The following TMOD3 variants were observed in gnomAD, a reference collection of about 807,000 sequenced individuals.
TMOD3 encodes the protein tropomodulin-3.
TMOD3 carries 20 observed loss-of-function variants against 39.2 expected under a neutral mutation model. The observed-to-expected ratio is 0.51, with a 90% CI of 0.36 to 0.74. The LOEUF (loss-of-function observed/expected upper bound fraction) is 0.74. Among genes scored for constraint, TMOD3 ranks in the 30% least tolerant of loss-of-function variants. The probability of loss-of-function intolerance (pLI) is 0.00; values close to 1 mark genes in which losing one functional copy is unlikely to be tolerated. For missense variants in TMOD3, 381 were observed against 412.8 expected, an observed-to-expected ratio of 0.92 and a Z score of 0.67; for synonymous variants, 143 against 145.8, an observed-to-expected ratio of 0.98 and a Z score of 0.14.
At chr15:51,876,295 A>G (rs1269671166) in intron 3 of TMOD3, among the ~76,000 whole-genome samples, 2 of 152,154 alleles carry the variant, frequency 1.3e-5, no homozygotes, top group East Asian at 3.9e-4. Flanking sequence ...CACCCTCCTA[A>G]GTAGTTGAGA....
intron 1 of TMOD3, among the ~76,000 whole-genome samples, chr15:51,846,294 A>G (rs2056335612): frequency 6.6e-6 from 1 of 152,170 alleles, no homozygotes; most frequent in South Asian, 2.1e-4. Context: ...TCATGCCACT[A>G]CACTTTAGCC....
At chr15:51,861,379 G>T (rs1048666662) in intron 1 of TMOD3, 2 of 175,548 alleles carry the variant, frequency 1.1e-5, no homozygotes, top group South Asian at 1.4e-4. Context: ...TTGGACCCAA[G>T]GTGGTTGCTA....
chr15:51,839,924 C>G (rs1456507366), intron 1 of TMOD3, among the ~76,000 whole-genome samples: 1 of 152,022 alleles, frequency 6.6e-6, no homozygotes, highest in Admixed American at 6.6e-5. Context: ...CGCTCCCAGC[C>G]CCATTAGGAT....
chr15:51,851,081 ACAGT>A (rs1440482138), intron 1 of TMOD3, among the ~76,000 whole-genome samples: 1 of 152,164 alleles, frequency 6.6e-6, no homozygotes, highest in African/African-American at 2.4e-5. Context: ...CCAGAGAGAC[ACAGT>A]CAAAGATGTT....
chr15:51,832,434 G>A (rs1433623418), intron 1 of TMOD3, among the ~76,000 whole-genome samples: 1 of 151,672 alleles, frequency 6.6e-6, no homozygotes, highest in African/African-American at 2.4e-5. Flanking sequence ...CTTTCCCCAG[G>A]CTATACTGTC....
At chr15:51,878,398 G>GTGTGTGTGTGTGTC (rs2056516342) in intron 3 of TMOD3, among the ~76,000 whole-genome samples, 1 of 151,996 alleles carries the variant, frequency 6.6e-6, no homozygotes, top group Admixed American at 6.6e-5. Context: ...GTGTGTGTGT[G>GTGTGTGTGTGTGTC]TGTGTGTGTA....
chr15:51,869,033 C>G (rs2056461305), intron 2 of TMOD3, among the ~76,000 whole-genome samples, 184 bp from the exon 3 acceptor site: 1 of 152,134 alleles, frequency 6.6e-6, no homozygotes, highest in Non-Finnish European at 1.5e-5. Flanking sequence ...GTGAATTCTA[C>G]CTAATAAAAA....
In TMOD3 at chr15:51,860,815, G is replaced by A. The variant is rs544203482; in HGVS notation, c.-74-1996G>A. 1.6e-4 allele frequency: 60 copies of A among 363,996 alleles called. No individual in the cohort carries two copies. The Admixed American group carries it at 1.9e-3, about 12-fold the overall frequency. 22.5% of individuals were successfully genotyped at this position (363,996 alleles called of 1,614,324 possible). ...GCCGGGCCTGGTGGCAGGCGCCTGTGGTCCCAGCCACTCAGGAGGCTGAGA... is the reference window on the plus strand; with the variant it reads ...GCCGGGCCTGGTGGCAGGCGCCTGTAGTCCCAGCCACTCAGGAGGCTGAGA... On this transcript the variant is annotated intron_variant, in intron 1 of 9. Coordinates refer to ENST00000308580, the MANE Select transcript of TMOD3 (RefSeq NM_014547.5).
At position 51,915,384 on chromosome 15, in the gene TMOD3, T is replaced by C. The variant is rs2056728635; in HGVS notation, c.*6574T>C. ...GTAATTTCAAATGTCTTTTTTTCAG[T>C]TTTTTGGATGAATTATTATATTTGG... On this transcript the variant is annotated 3_prime_UTR_variant, in exon 10 of 10. Coordinates refer to ENST00000308580, the MANE Select transcript of TMOD3 (RefSeq NM_014547.5). 1 of 152,150 alleles carries C rather than the reference T, an allele frequency of 6.6e-6. No individual in the cohort carries two copies. Among genetic ancestry groups the C allele is most frequent in the Non-Finnish European group, 1.5e-5 (1 of 68,030 alleles). The allele number at this position is 152,150 out of a possible 1,614,324, so 9.4% of individuals were successfully genotyped here.
At chr15:51,857,463 G>A (rs984101334) in intron 1 of TMOD3, among the ~76,000 whole-genome samples, 1 of 152,110 alleles carries the variant, frequency 6.6e-6, no homozygotes, top group African/African-American at 2.4e-5. Context: ...GTCTCTCTGT[G>A]GAATGTAGAA....
In TMOD3 at chr15:51,834,270, G is replaced by A. The variant is rs550400614; in HGVS notation, c.-75+4434G>A. Among the ~76,000 whole-genome samples, 9 of 152,180 alleles carry A rather than the reference G, an allele frequency of 5.9e-5. No individual in the cohort carries two copies. The South Asian group carries it at 1.7e-3, about 28-fold the overall frequency. ...TTTCTCAATGATATTGTGATGAGCA[G>A]AAATTTTTAATTTTTATAAAGTCTG... On this transcript the variant is annotated intron_variant, in intron 1 of 9. Coordinates refer to ENST00000308580, the MANE Select transcript of TMOD3 (RefSeq NM_014547.5).
intron 9 of TMOD3, among the ~76,000 whole-genome samples, chr15:51,905,033 A>G (rs1038816024): frequency 6.6e-6 from 1 of 152,240 alleles, no homozygotes; most frequent in African/African-American, 2.4e-5. Context: ...CAATAAGCAC[A>G]TTCCTGGATA....
At chr15:51,861,447 T>G (rs2056418423) in intron 1 of TMOD3, among the ~76,000 whole-genome samples, 1 of 152,162 alleles carries the variant, frequency 6.6e-6, no homozygotes, top group African/African-American at 2.4e-5. Flanking sequence ...TTTGAACATT[T>G]CCATTCATGG....
intron 7 of TMOD3, among the ~76,000 whole-genome samples, chr15:51,897,148 T>A (rs1290030505): frequency 1.3e-5 from 2 of 152,210 alleles, no homozygotes; most frequent in Non-Finnish European, 2.9e-5. Context: ...TTTCTCCATA[T>A]CTCTTCAACT....
intron 3 of TMOD3, among the ~76,000 whole-genome samples, chr15:51,881,803 A>G (rs1326739305): frequency 6.6e-6 from 1 of 151,826 alleles, no homozygotes; most frequent in African/African-American, 2.4e-5. Context: ...ACCTTAGGTG[A>G]TCTGCCCACC....
chr15:51,891,507 G>A (rs1264922948), intron 5 of TMOD3, among the ~76,000 whole-genome samples: 2 of 152,088 alleles, frequency 1.3e-5, no homozygotes, highest in African/African-American at 4.8e-5. Flanking sequence ...TTGGGGGAAT[G>A]AGATTGATCA....
intron 1 of TMOD3, among the ~76,000 whole-genome samples, chr15:51,845,952 T>C (rs1391168262): frequency 1.3e-5 from 2 of 152,094 alleles, no homozygotes; most frequent in Non-Finnish European, 2.9e-5. Flanking sequence ...TTCAGTTATA[T>C]AATCTAGCTA....
rs2056697163 is a variant in TMOD3 at position 51,909,033 on chromosome 15, A to C, written c.*223A>C. On this transcript the variant is annotated 3_prime_UTR_variant, in exon 10 of 10. Transcript: ENST00000308580. Reference sequence around the variant, plus strand: ...GCTAAAATCAATTTTAATTTAGTTTAATTGAATGATTTATGATGAATCTTG... The same window carrying C: ...GCTAAAATCAATTTTAATTTAGTTTCATTGAATGATTTATGATGAATCTTG... The C allele has an allele frequency of 4.7e-5, 18 of 380,610 alleles. No homozygotes were observed. The highest frequency in any genetic ancestry group is 2.3e-5 in the Non-Finnish European group (5 of 214,496). The allele number at this position is 380,610 out of a possible 1,614,324, so 23.6% of individuals were successfully genotyped here. A position where few individuals can be genotyped will look rare whatever the true frequency, so the allele number is the denominator to read the frequency against.
intron 2 of TMOD3, among the ~76,000 whole-genome samples, 190 bp from the exon 3 acceptor site, chr15:51,869,027 A>G (rs973885565): frequency 1.3e-5 from 2 of 152,234 alleles, no homozygotes; most frequent in African/African-American, 4.8e-5. Context: ...ATGTAAGTGA[A>G]TTCTACCTAA....
Sources: gnomAD v4.1 joint callset for allele counts (sites outside exome capture counted in the v4.1 genomes callset) on GRCh38, gnomAD v4.1.1 for gene constraint, MANE v1.5 for transcripts, NCBI Gene and HGNC (gene_info 2026-07-23, HGNC 2026-07-21) for gene names.